SHISAL2A: variants seen among roughly 807,000 people sequenced by gnomAD.
SHISAL2A encodes shisa like 2A.
A neutral mutation model predicts 11.5 loss-of-function variants in SHISAL2A; 18 were observed. The ratio of observed to expected loss-of-function variants is 1.57; its 90% CI spans 1.08 to 2.33. The LOEUF (loss-of-function observed/expected upper bound fraction) is 2.33. Among genes scored for constraint, SHISAL2A ranks in the 30% most tolerant of loss-of-function variants. The probability of loss-of-function intolerance (pLI) is 0.00; values close to 1 mark genes in which losing one functional copy is unlikely to be tolerated. For missense variants in SHISAL2A, 261 were observed against 250.9 expected (o/e 1.04, Z -0.27); for synonymous variants, 94 against 99.6 (o/e 0.94, Z 0.34).
At chr1:52,655,468 A>AAG (rs1553252900) in intron 2 of SHISAL2A, among the ~76,000 whole-genome samples, 2,169 of 146,180 alleles carry the variant, frequency 0.015, 92 homozygotes, top group African/African-American at 0.054. Context: ...AAAAAAAAAA[A>AAG]AAAAAAAAAA....
intron 1 of SHISAL2A, among the ~76,000 whole-genome samples, chr1:52,640,223 G>C (rs1293749807): frequency 6.6e-6 from 1 of 152,186 alleles, no homozygotes; most frequent in African/African-American, 2.4e-5. Context: ...AGTGAAATTA[G>C]CCATTAACTA....
At chr1:52,650,405 G>C (rs1236097641) in intron 2 of SHISAL2A, among the ~76,000 whole-genome samples, 1 of 152,198 alleles carries the variant, frequency 6.6e-6, no homozygotes, top group Non-Finnish European at 1.5e-5. Flanking sequence ...GCTGCTGTCA[G>C]TGTGTGGCCT....
At chr1:52,652,446 T>G (rs1276961682) in intron 2 of SHISAL2A, among the ~76,000 whole-genome samples, 3 of 152,154 alleles carry the variant, frequency 2.0e-5, no homozygotes, top group African/African-American at 4.8e-5. Flanking sequence ...ACAAACAAGT[T>G]TTTTTGTTTT....
At position 52,656,966 on chromosome 1, in the gene SHISAL2A, A is replaced by G. The variant is rs753703125; in HGVS notation, c.499A>G (p.Thr167Ala). ...CCATCATTGCTTCATGGCCACAGTGACCACCAGTGACATTCCAGGCAGCCC... is the reference window on the plus strand; with the variant it reads ...CCATCATTGCTTCATGGCCACAGTGGCCACCAGTGACATTCCAGGCAGCCC... ...LLHHCFMATV[T>A]TSDIPGSPEE... Residue 167 changes from threonine (T) to alanine (A), a missense_variant, in exon 3 of 3, where the codon ACC becomes GCC. Physicochemically the swap from Thr to Ala is moderately conservative, Grantham distance 58. Coordinates refer to ENST00000517870, the MANE Select transcript of SHISAL2A (RefSeq NM_001042693.3). 16 of 1,614,034 alleles carry G rather than the reference A, an allele frequency of 9.9e-6. No homozygotes were observed. Among genetic ancestry groups the G allele is most frequent in the South Asian group, 3.3e-5 (3 of 91,090 alleles).
At chr1:52,638,221 T>C (rs1306300875) in intron 1 of SHISAL2A, among the ~76,000 whole-genome samples, 1 of 151,950 alleles carries the variant, frequency 6.6e-6, no homozygotes, top group Non-Finnish European at 1.5e-5. Context: ...GGGAAGAGGA[T>C]GGGCAAGAAA....
intron 5 of SHISAL2A, among the ~76,000 whole-genome samples, chr1:52,667,883 T>C (rs917408706): frequency 2.6e-5 from 4 of 152,192 alleles, no homozygotes; most frequent in Non-Finnish European, 4.4e-5. Flanking sequence ...CACAGTGCCA[T>C]TGGTGAAGCC....
intron 2 of SHISAL2A, among the ~76,000 whole-genome samples, chr1:52,652,016 C>T (rs1307581245): frequency 6.6e-6 from 1 of 152,198 alleles, no homozygotes. Context: ...CTCCTGGAAG[C>T]CCAAGGGATT....
chr1:52,664,194 T>C (rs1179772173), intron 4 of SHISAL2A, among the ~76,000 whole-genome samples: 1 of 122,052 alleles, frequency 8.2e-6, no homozygotes, highest in Non-Finnish European at 1.6e-5. Context: ...TAATTTTTAT[T>C]CTTTTTTTTT....
intron 2 of SHISAL2A, among the ~76,000 whole-genome samples, chr1:52,644,195 C>G (rs1322507373): frequency 6.6e-6 from 1 of 152,000 alleles, no homozygotes; most frequent in Non-Finnish European, 1.5e-5. Flanking sequence ...TTGTTTGATA[C>G]AAAGTGTAGG....
intron 2 of SHISAL2A, among the ~76,000 whole-genome samples, chr1:52,652,846 A>G (rs1691698508): frequency 1.3e-5 from 2 of 151,142 alleles, no homozygotes; most frequent in Admixed American, 6.6e-5. Flanking sequence ...GGCACCTGTA[A>G]TCCCAGCTAC....
chr1:52,643,027 C>T (rs1311806544), intron 2 of SHISAL2A, 25 bp downstream of exon 2: 4 of 1,612,618 alleles, frequency 2.5e-6, no homozygotes, highest in Non-Finnish European at 2.5e-6. Flanking sequence ...AGGTGATGTC[C>T]TTGTATTCGG....
intron 2 of SHISAL2A, among the ~76,000 whole-genome samples, chr1:52,650,934 C>T (rs1162524324): frequency 2.0e-5 from 3 of 150,760 alleles, no homozygotes; most frequent in Non-Finnish European, 2.9e-5. Context: ...CATGAGCCAC[C>T]ACGCCTGGCC....
chr1:52,663,822 T>TG (rs1488425727), intron 4 of SHISAL2A, among the ~76,000 whole-genome samples: 2 of 152,216 alleles, frequency 1.3e-5, no homozygotes, highest in Non-Finnish European at 2.9e-5. Flanking sequence ...TGAAGTAACT[T>TG]GAAGTTCAGT....
At chr1:52,664,459 G>A (rs1691970230) in intron 4 of SHISAL2A, among the ~76,000 whole-genome samples, 2 of 151,568 alleles carry the variant, frequency 1.3e-5, no homozygotes, top group Admixed American at 6.6e-5. Flanking sequence ...GGGTTCAAGC[G>A]ATTCTCCTGC....
chr1:52,653,863 A>G (rs191715321), intron 2 of SHISAL2A, among the ~76,000 whole-genome samples: 164 of 151,982 alleles, frequency 1.1e-3, no homozygotes, highest in African/African-American at 3.6e-3. Flanking sequence ...AAGGAGCTCA[A>G]TGGAAAAGAA....
chr1:52,669,507 A>G (rs753700866), exon 6 of SHISAL2A: 2 of 152,004 alleles, frequency 1.3e-5, no homozygotes, highest in Non-Finnish European at 2.9e-5. Flanking sequence ...CTCTATTAAA[A>G]ATACAAAAAT....
In SHISAL2A at chr1:52,641,802, C is replaced by T. The variant is rs74406575; in HGVS notation, c.183-1061C>T. Among the ~76,000 whole-genome samples the T allele has an allele frequency of 6.6e-3, 996 of 150,756 alleles. 11 individuals are homozygous for T. Among genetic ancestry groups the T allele is most frequent in the Middle Eastern group, 0.01 (3 of 288 alleles). On this transcript the variant is annotated intron_variant, in intron 1 of 2. Transcript: ENST00000517870. ...ATTTTCTTTTTTTTAAAAAAAGAGG[C>T]GGGGGTGAGTGGGAGGGGGTGCCAG...
chr1:52,661,075 C>G (rs1323695350), downstream of SHISAL2A, among the ~76,000 whole-genome samples: 3 of 152,070 alleles, frequency 2.0e-5, no homozygotes, highest in Non-Finnish European at 4.4e-5. Flanking sequence ...TTTCAGGTAA[C>G]AATAAGTAGT....
chr1:52,635,792 T>C (rs1046480533), intron 1 of SHISAL2A, among the ~76,000 whole-genome samples: 1 of 152,240 alleles, frequency 6.6e-6, no homozygotes, highest in African/African-American at 2.4e-5. Flanking sequence ...GGGGCTGTTA[T>C]CATCTTTGTT....
Sources: gnomAD v4.1 joint callset for allele counts (sites outside exome capture counted in the v4.1 genomes callset) on GRCh38, gnomAD v4.1.1 for gene constraint, MANE v1.5 for transcripts, NCBI Gene and HGNC (gene_info 2026-07-23, HGNC 2026-07-21) for gene names.